DNAJC24: variants seen among roughly 807,000 people sequenced by gnomAD.
DNAJC24 encodes the protein DnaJ heat shock protein family (Hsp40) member C24, also known as dnaJ homolog subfamily C member 24.
A neutral mutation model predicts 18.0 loss-of-function variants in DNAJC24; 17 were observed. The ratio of observed to expected loss-of-function variants is 0.94; its 90% confidence interval spans 0.65 to 1.42. The LOEUF is 1.42. Among genes scored for constraint, DNAJC24 ranks in the 40% most tolerant of loss-of-function variants. The pLI is 0.00. For missense variants in DNAJC24, 158 were observed against 175.6 expected, an observed-to-expected ratio of 0.90 and a Z score of 0.57; for synonymous variants, 55 against 57.7, an observed-to-expected ratio of 0.95 and a Z score of 0.21.
At chr11:31,408,199 G>A (rs960389565) in intron 2 of DNAJC24, 1 of 456,056 alleles carries the variant, frequency 2.2e-6, no homozygotes, top group African/African-American at 2.0e-5. Context: ...CTCATCTTCT[G>A]ACTTGCCCAT....
chr11:31,423,703 A>C (rs1169798321), intron 3 of DNAJC24, among the ~76,000 whole-genome samples: 1 of 152,154 alleles, frequency 6.6e-6, no homozygotes, highest in Non-Finnish European at 1.5e-5. Context: ...TGGTTTTTTG[A>C]AACCAGAATC....
At chr11:31,381,684 C>T (rs1248614708) in intron 2 of DNAJC24, among the ~76,000 whole-genome samples, 2 of 151,636 alleles carry the variant, frequency 1.3e-5, no homozygotes, top group East Asian at 3.9e-4. Context: ...AAGCAATTCT[C>T]CTGCTTCAGC....
chr11:31,415,788 C>T (rs895904760), intron 3 of DNAJC24: 2 of 152,228 alleles, frequency 1.3e-5, no homozygotes, highest in African/African-American at 4.8e-5. Flanking sequence ...AAAGCTGTCT[C>T]GTAGTCGCTT....
chr11:31,419,173 A>G (rs1564957574), intron 3 of DNAJC24, among the ~76,000 whole-genome samples: 1 of 152,142 alleles, frequency 6.6e-6, no homozygotes, highest in East Asian at 1.9e-4. Flanking sequence ...ATTAGGGTCC[A>G]TTTATGGTCA....
intron 2 of DNAJC24, among the ~76,000 whole-genome samples, chr11:31,399,636 AC>A (rs1018401810): frequency 6.8e-6 from 1 of 147,986 alleles, no homozygotes; most frequent in African/African-American, 2.5e-5. Flanking sequence ...CTGGCCTCGA[AC>A]CCCTGACCTC....
At chr11:31,405,720 G>A (rs975290424) in intron 2 of DNAJC24, among the ~76,000 whole-genome samples, 1 of 151,980 alleles carries the variant, frequency 6.6e-6, no homozygotes, top group Non-Finnish European at 1.5e-5. Flanking sequence ...ATCCCAAAGT[G>A]CTGGGATTAC....
At chr11:31,421,925 G>A (rs560629871) in intron 3 of DNAJC24, 381 of 434,624 alleles carry the variant, frequency 8.8e-4, no homozygotes, top group Non-Finnish European at 1.5e-3. Flanking sequence ...ATTCTTCAGT[G>A]TGAAAGAATC....
Position 31,384,532 on chromosome 11 carries a change from G to C in DNAJC24, c.111+13673G>C, listed in dbSNP as rs952087612. On this transcript the variant is annotated intron_variant, in intron 2 of 4. Coordinates refer to ENST00000465995, the MANE Select transcript of DNAJC24 (RefSeq NM_181706.5). ...AAAGGTTAAGAAGGAAGTTGGCTCT[G>C]TTCATTTGGCCTCTCTATATGAGTT... The C allele has an allele frequency of 1.1e-4, 16 of 152,220 alleles. 1 individual carries two copies. The highest frequency in any genetic ancestry group is 9.2e-4 in the Admixed American group (14 of 15,282). The allele number at this position is 152,220 out of a possible 1,614,324, so 9.4% of individuals were successfully genotyped here.
At chr11:31,423,020 G>A (rs1308693051) in intron 3 of DNAJC24, among the ~76,000 whole-genome samples, 1 of 152,048 alleles carries the variant, frequency 6.6e-6, no homozygotes, top group Admixed American at 6.6e-5. Flanking sequence ...ATCACCCCTA[G>A]CCTTTTTCAG....
intron 2 of DNAJC24, among the ~76,000 whole-genome samples, chr11:31,394,234 G>T (rs1357783041): frequency 6.6e-6 from 1 of 152,088 alleles, no homozygotes; most frequent in Non-Finnish European, 1.5e-5. Flanking sequence ...AAAAATCATG[G>T]CACTAAATAG....
In DNAJC24 at chr11:31,426,355, GGTTGGATTTTTT is replaced by G; in HGVS notation, c.319+1_319+12del. 1.3e-6 allele frequency: 2 copies of G among 1,516,336 alleles called. No homozygotes were observed. The highest frequency in any genetic ancestry group is 2.5e-5 in the South Asian group (2 of 78,496). 93.9% of individuals were successfully genotyped at this position (1,516,336 alleles called of 1,614,324 possible). On this transcript the variant is annotated splice_donor_variant and splice_donor_5th_base_variant and intron_variant, in intron 4 of 4. Coordinates refer to ENST00000465995, the MANE Select transcript of DNAJC24 (RefSeq NM_181706.5). ...TCTTGAAGAAATGTCTTGGAATGAA[GGTTGGATTTTTT>G]TTTTCTCTTGACAACATTTAAAAAA...
chr11:31,406,954 C>T (rs986958771), intron 2 of DNAJC24, among the ~76,000 whole-genome samples: 1 of 152,118 alleles, frequency 6.6e-6, no homozygotes, highest in Non-Finnish European at 1.5e-5. Flanking sequence ...AGGAATTCAA[C>T]AGGAGGATAA....
At chr11:31,403,633 T>C (rs188735843) in intron 2 of DNAJC24, among the ~76,000 whole-genome samples, 2 of 152,324 alleles carry the variant, frequency 1.3e-5, no homozygotes, top group East Asian at 3.9e-4. Context: ...GGAAGAAATT[T>C]AGAACAAAGA....
chr11:31,385,473 G>A (rs1952419097), intron 2 of DNAJC24, among the ~76,000 whole-genome samples: 1 of 152,088 alleles, frequency 6.6e-6, no homozygotes, highest in Non-Finnish European at 1.5e-5. Flanking sequence ...GGTTTGTTTT[G>A]TGTTAAACTG....
intron 3 of DNAJC24, among the ~76,000 whole-genome samples, chr11:31,423,234 C>G (rs1952825855): frequency 6.6e-6 from 1 of 152,066 alleles, no homozygotes; most frequent in African/African-American, 2.4e-5. Flanking sequence ...TAAACACACC[C>G]ATTTAACCAG....
intron 3 of DNAJC24, among the ~76,000 whole-genome samples, chr11:31,419,694 A>T (rs1300771796): frequency 6.6e-6 from 1 of 151,922 alleles, no homozygotes; most frequent in Non-Finnish European, 1.5e-5. Context: ...CCACTTGGTT[A>T]CTTGACCCAA....
At chr11:31,430,231 C>G (rs770933677) in intron 4 of DNAJC24, 40 bp from the exon 5 acceptor site, 5 of 1,571,570 alleles carry the variant, frequency 3.2e-6, no homozygotes, top group Non-Finnish European at 4.3e-6. Flanking sequence ...GAGGTAGTTA[C>G]TTACAAGTCT....
chr11:31,407,707 ATAT>A (rs1339624621), intron 2 of DNAJC24, among the ~76,000 whole-genome samples: 7 of 36,324 alleles, frequency 1.9e-4, no homozygotes, highest in East Asian at 1.4e-3. Context: ...AAAAAAAAAA[ATAT>A]ATATATATAT....
intron 2 of DNAJC24, among the ~76,000 whole-genome samples, chr11:31,391,856 G>A (rs1400634799): frequency 1.3e-5 from 2 of 152,168 alleles, no homozygotes; most frequent in African/African-American, 4.8e-5. Context: ...CAACTTAAGT[G>A]TACATCAACA....
Sources: allele counts gnomAD v4.1 joint callset (sites outside exome capture counted in the v4.1 genomes callset), GRCh38; gene constraint gnomAD v4.1.1; transcripts MANE v1.5; gene names NCBI Gene and HGNC (gene_info 2026-07-23, HGNC 2026-07-21).